The following GORASP1 variants were observed in gnomAD, a reference collection of about 807,000 sequenced individuals.
The protein encoded by GORASP1 is Golgi reassembly-stacking protein 1.
GORASP1 carries 31 observed loss-of-function variants against 37.7 expected under a neutral mutation model. The observed-to-expected ratio is 0.82, with a 90% CI of 0.62 to 1.11. The LOEUF (loss-of-function observed/expected upper bound fraction) is 1.11, where lower values mean the gene tolerates loss of function less well. Among genes scored for constraint, GORASP1 ranks in the 50% least tolerant of loss-of-function variants. The probability of loss-of-function intolerance (pLI) is 0.00; values close to 1 mark genes in which losing one functional copy is unlikely to be tolerated. For synonymous variants in GORASP1, 204 were observed against 224.8 expected (o/e 0.91, Z 0.83); for missense variants, 476 against 560.7 (o/e 0.85, Z 1.53).
chr3:39,102,461 G>A lies in GORASP1; in HGVS notation c.348+217C>T, dbSNP rs1323536485. On this transcript the variant is annotated intron_variant, in intron 3 of 8. Transcript: ENST00000319283. This position sits in a 1 kb window ranked among gnomAD's most constrained non-coding sequence, Gnocchi z 5.0. Reference sequence around the variant, plus strand: ...AGGTAAGAAAGTACCCAAAGTCATGGCTAACAGGAAGCAAGATACACTGTT... The same window carrying A: ...AGGTAAGAAAGTACCCAAAGTCATGACTAACAGGAAGCAAGATACACTGTT... 5.0e-6 allele frequency: 3 copies of A among 597,730 alleles called. No homozygotes were observed. In the African/African-American group the frequency reaches 5.6e-5, roughly 11 times the overall value. 37.0% of individuals were successfully genotyped at this position (597,730 alleles called of 1,614,324 possible).
At position 39,107,563 on chromosome 3, in the gene GORASP1, C is replaced by A; in HGVS notation, c.-22G>T. The A allele has an allele frequency of 1.3e-6, 2 of 1,489,876 alleles. No individual in the cohort carries two copies. Among genetic ancestry groups the A allele is most frequent in the Non-Finnish European group, 1.8e-6 (2 of 1,130,398 alleles). The allele number at this position is 1,489,876 out of a possible 1,614,324, so 92.3% of individuals were successfully genotyped here. ...CCATGGCAGCGGCTCCGCTCGGCAC[C>A]CAGGTCCAGTCCCGCTGCGCCTACC... is the stretch of plus-strand genomic sequence containing the variant. On this transcript the variant is annotated 5_prime_UTR_variant, in exon 1 of 9. Coordinates refer to ENST00000319283, the MANE Select transcript of GORASP1 (RefSeq NM_031899.4).
intron 6 of GORASP1, 80 bp from the exon 7 acceptor site, chr3:39,099,583 C>T: frequency 2.2e-6 from 3 of 1,391,222 alleles, no homozygotes; most frequent in Non-Finnish European, 3.0e-6. Context: ...AACCTAACCA[C>T]CAGTCCCCAC....
intron 7 of GORASP1, 90 bp downstream of exon 7, chr3:39,099,263 G>C (rs1176110856): frequency 1.4e-6 from 2 of 1,381,288 alleles, no homozygotes; most frequent in Non-Finnish European, 2.1e-6. Context: ...AGATATGAGG[G>C]GTCAGCAAGG....
In GORASP1 at chr3:39,102,350, A is replaced by G; in HGVS notation, c.348+328T>C. On this transcript the variant is annotated intron_variant, in intron 3 of 8. Transcript: ENST00000319283. This position sits in a 1 kb window ranked among gnomAD's most constrained non-coding sequence, Gnocchi z 5.0. ...ACACACACGGAGAGACACAGAGAAT[A>G]ATAAAAGCAGCAGCATTCCAGCAGT... The G allele has an allele frequency of 2.2e-6, 1 of 456,070 alleles. No homozygotes were observed. The highest frequency in any genetic ancestry group is 4.0e-6 in the Non-Finnish European group (1 of 247,606). 28.3% of individuals were successfully genotyped at this position (456,070 alleles called of 1,614,324 possible).
In GORASP1 at chr3:39,096,809, G is replaced by C. The variant is rs1230020321; in HGVS notation, c.*1427C>G. 1 of 152,168 alleles carries C rather than the reference G, an allele frequency of 6.6e-6. No individual in the cohort carries two copies. The highest frequency in any genetic ancestry group is 2.4e-5 in the African/African-American group (1 of 41,432). The allele number at this position is 152,168 out of a possible 1,614,324, so 9.4% of individuals were successfully genotyped here. A position where few individuals can be genotyped will look rare whatever the true frequency, so the allele number is the denominator to read the frequency against. ...TTATCCTCCAACTTATGGGGGAAGG[G>C]AAAGTAAAAGTGAGGGAGGGAAGAG... On this transcript the variant is annotated 3_prime_UTR_variant, in exon 9 of 9. Transcript: ENST00000319283.
chr3:39,100,997 C>A lies in GORASP1; in HGVS notation c.435+19G>T, dbSNP rs769870363. 6 of 1,613,950 alleles carry A rather than the reference C, an allele frequency of 3.7e-6. No homozygotes were observed. In the African/African-American group the frequency reaches 4.0e-5, roughly 11 times the overall value. ...CACATCCAGAGGGTCTGGGGAGGGG[C>A]AAATTGCGGGTTCCTCACCTCCTGG... On this transcript the variant is annotated intron_variant, in intron 4 of 8. Transcript: ENST00000319283. This position sits in a 1 kb window ranked among gnomAD's most constrained non-coding sequence, Gnocchi z 4.6.
intron 1 of GORASP1, among the ~76,000 whole-genome samples, chr3:39,104,841 C>G (rs1238969446): frequency 2.0e-5 from 3 of 152,218 alleles, no homozygotes; most frequent in Non-Finnish European, 4.4e-5. Flanking sequence ...GCAAGCTGCT[C>G]CCAGGCCCCG....
chr3:39,098,845 C>G lies in GORASP1; in HGVS notation c.965G>C (p.Ser322Thr). The change falls in exon 8 of 9, where the codon AGT becomes ACT. Residue 322 changes from serine (S) to threonine (T), a missense_variant. By Grantham distance (58) the Ser-to-Thr change is moderately conservative. Transcript: ENST00000319283. This position sits in a 1 kb window ranked among gnomAD's most constrained non-coding sequence, Gnocchi z 4.7. ...GISLLDNSNA[S>T]VWPSLPSSTE... ...GGAAGAGGGCAGGCTGGGCCACACA[C>G]TGGCATTGCTGTTGTCCAAGAGAGA... 2 of 1,614,180 alleles carry G rather than the reference C, an allele frequency of 1.2e-6. No homozygotes were observed.
At chr3:39,101,639 G>A (rs1172987926) in intron 3 of GORASP1, 1 of 446,568 alleles carries the variant, frequency 2.2e-6, no homozygotes, top group Non-Finnish European at 4.5e-6. Flanking sequence ...CCCTTGGAAA[G>A]TTCCACCACT....
At position 39,103,273 on chromosome 3, in the gene GORASP1, C is replaced by T. The variant is rs1401284365; in HGVS notation, c.144+200G>A. 6.7e-6 allele frequency: 4 copies of T among 593,994 alleles called. No homozygotes were observed. The highest frequency in any genetic ancestry group is 5.6e-5 in the East Asian group (2 of 35,874). 36.8% of individuals were successfully genotyped at this position (593,994 alleles called of 1,614,324 possible). A position where few individuals can be genotyped will look rare whatever the true frequency, so the allele number is the denominator to read the frequency against. On this transcript the variant is annotated intron_variant, in intron 2 of 8. Coordinates refer to ENST00000319283, the MANE Select transcript of GORASP1 (RefSeq NM_031899.4). This position sits in a 1 kb window ranked among gnomAD's most constrained non-coding sequence, Gnocchi z 5.2. ...TCCAAGAGGCCATATGTCCTCTGTC[C>T]ACCCCACAGAGCTCAGAAGCTGAGC...
At position 39,098,550 on chromosome 3, in the gene GORASP1, C is replaced by T. The variant is rs555577188; in HGVS notation, c.1070-61G>A. On this transcript the variant is annotated intron_variant, in intron 8 of 8. Coordinates refer to ENST00000319283, the MANE Select transcript of GORASP1 (RefSeq NM_031899.4). The surrounding 1 kb of genome is among the most constrained non-coding windows in gnomAD (Gnocchi z 4.7). ...AGAACCTAGGGCCATGGTGTTAGGG[C>T]CAGTAACCCCACCGACCGCTCCCCA... The T allele has an allele frequency of 1.3e-6, 2 of 1,557,448 alleles. No homozygotes were observed. Among genetic ancestry groups the T allele is most frequent in the Non-Finnish European group, 1.7e-6 (2 of 1,150,420 alleles).
At position 39,100,677 on chromosome 3, in the gene GORASP1, C is replaced by A; in HGVS notation, c.566+70G>T. On this transcript the variant is annotated intron_variant, in intron 5 of 8. Transcript: ENST00000319283. The surrounding 1 kb of genome is among the most constrained non-coding windows in gnomAD (Gnocchi z 4.6). ...ACCCTCCTCCATCTCCACCATAGAA[C>A]TCTGAGGTCCATGCCCAATGGTCAG... 1 of 1,583,356 alleles carries A rather than the reference C, an allele frequency of 6.3e-7. No individual in the cohort carries two copies. The highest frequency in any genetic ancestry group is 1.7e-5 in the Admixed American group (1 of 58,218).
Position 39,099,454 on chromosome 3 carries a change from G to T in GORASP1, c.815C>A (p.Pro272His). ...TGGAGCACTGTGGCTGGGACTCCCA[G>T]GCCCAGGAAGGGGATCCTCCATGGA... ...GSSMEDPLPG[P>H]GSPSHSAPDP... Residue 272 changes from proline (P) to histidine (H), a missense_variant, in exon 7 of 9, where the codon CCT becomes CAT. Pro to His is a moderately conservative substitution (Grantham distance 77). Transcript: ENST00000319283. 6.2e-7 allele frequency: 1 copy of T among 1,611,414 alleles called. No homozygotes were observed. The highest frequency in any genetic ancestry group is 2.2e-5 in the East Asian group (1 of 44,804).
Position 39,103,431 on chromosome 3 carries a change from C to T in GORASP1, c.144+42G>A. 6.5e-7 allele frequency: 1 copy of T among 1,532,468 alleles called. No homozygotes were observed. Among genetic ancestry groups the T allele is most frequent in the Non-Finnish European group, 8.9e-7 (1 of 1,118,790 alleles). 94.9% of individuals were successfully genotyped at this position (1,532,468 alleles called of 1,614,324 possible). A position where few individuals can be genotyped will look rare whatever the true frequency, so the allele number is the denominator to read the frequency against. On this transcript the variant is annotated intron_variant, in intron 2 of 8. Transcript: ENST00000319283. The surrounding 1 kb of genome is among the most constrained non-coding windows in gnomAD (Gnocchi z 5.2). ...TGTGGGACAGATGAAGACACACAAA[C>T]ACACATAAGCAAGCAAAGCAGAGGC...
rs932490471 is a variant in GORASP1, at chr3:39,096,717, A to G, written c.*1519T>C. ...CATTTGTTATTTTCTTTCATAGCAGATTACAGAGAAAGAAAGAAACCTCTG... is the reference window on the plus strand; with the variant it reads ...CATTTGTTATTTTCTTTCATAGCAGGTTACAGAGAAAGAAAGAAACCTCTG... On this transcript the variant is annotated 3_prime_UTR_variant, in exon 9 of 9. Coordinates refer to ENST00000319283, the MANE Select transcript of GORASP1 (RefSeq NM_031899.4). 5.3e-5 allele frequency: 8 copies of G among 152,176 alleles called. No individual in the cohort carries two copies. Among genetic ancestry groups the G allele is most frequent in the Admixed American group, 3.9e-4 (6 of 15,284 alleles). 9.4% of individuals were successfully genotyped at this position (152,176 alleles called of 1,614,324 possible).
Position 39,098,751 on chromosome 3 carries a change from A to G in GORASP1, c.1059T>C (p.His353=). The change falls in exon 8 of 9, where the codon CAT becomes CAC. Residue 353 remains histidine, a synonymous_variant. Coordinates refer to ENST00000319283, the MANE Select transcript of GORASP1 (RefSeq NM_031899.4). The surrounding 1 kb of genome is among the most constrained non-coding windows in gnomAD (Gnocchi z 4.7). The part of the protein sequence containing the change: ...PEDICSSSSS[H]ERGGEATWSG... ...GTGATGGCCACTCACCACCCCGCTCATGAGAACTGCTGCTGGAGCAGATGT... is the reference window on the plus strand; with the variant it reads ...GTGATGGCCACTCACCACCCCGCTCGTGAGAACTGCTGCTGGAGCAGATGT... The G allele has an allele frequency of 1.9e-6, 3 of 1,613,990 alleles. No individual in the cohort carries two copies. The highest frequency in any genetic ancestry group is 2.5e-6 in the Non-Finnish European group (3 of 1,179,896).
chr3:39,102,950 G>T lies in GORASP1; in HGVS notation c.145-69C>A. ...GGCTAGGACCCTCAGACAAGTCTGG[G>T]CCTGAGATGGGGCAAGGGCCTTAGT... On this transcript the variant is annotated intron_variant, in intron 2 of 8. Transcript: ENST00000319283. The surrounding 1 kb of genome is among the most constrained non-coding windows in gnomAD (Gnocchi z 5.0). 6.9e-7 allele frequency: 1 copy of T among 1,452,414 alleles called. No individual in the cohort carries two copies. Among genetic ancestry groups the T allele is most frequent in the Non-Finnish European group, 9.7e-7 (1 of 1,033,114 alleles). 90.0% of individuals were successfully genotyped at this position (1,452,414 alleles called of 1,614,324 possible). A position where few individuals can be genotyped will look rare whatever the true frequency, so the allele number is the denominator to read the frequency against.
At chr3:39,104,131 C>T (rs1384394574) in intron 1 of GORASP1, among the ~76,000 whole-genome samples, 1 of 152,158 alleles carries the variant, frequency 6.6e-6, no homozygotes, top group Non-Finnish European at 1.5e-5. Flanking sequence ...AAGCAGACCC[C>T]AGGGGTAGAA....
At position 39,103,265 on chromosome 3, in the gene GORASP1, CCT is replaced by C; in HGVS notation, c.144+206_144+207del. ...TTGCCACCTCCAAGAGGCCATATGT[CCT>C]CTGTCCACCCCACAGAGCTCAGAAG... On this transcript the variant is annotated intron_variant, in intron 2 of 8. Coordinates refer to ENST00000319283, the MANE Select transcript of GORASP1 (RefSeq NM_031899.4). This position sits in a 1 kb window ranked among gnomAD's most constrained non-coding sequence, Gnocchi z 5.2. 1 of 592,978 alleles carries C rather than the reference CCT, an allele frequency of 1.7e-6. No homozygotes were observed. The highest frequency in any genetic ancestry group is 2.1e-5 in the South Asian group (1 of 48,490). 36.7% of individuals were successfully genotyped at this position (592,978 alleles called of 1,614,324 possible).
Sources: allele counts gnomAD v4.1 joint callset (sites outside exome capture counted in the v4.1 genomes callset), GRCh38; gene constraint gnomAD v4.1.1; non-coding constraint Gnocchi (gnomAD v3.1); transcripts MANE v1.5; gene names NCBI Gene and HGNC (gene_info 2026-07-23, HGNC 2026-07-21).